Variants in TOX3 observed in about 807,000 individuals in gnomAD.
TOX3 encodes TOX high mobility group box family member 3, also known as CAG trinucleotide repeat-containing gene F9 protein.
A neutral mutation model predicts 64.3 loss-of-function variants in TOX3; 22 were observed. That is an observed-to-expected ratio of 0.34 (90% confidence interval 0.24 to 0.49). The LOEUF is 0.49. Among genes scored for constraint, TOX3 ranks in the 20% least tolerant of loss-of-function variants. The pLI is 0.99. For missense variants in TOX3, 661 were observed against 714.4 expected, an observed-to-expected ratio of 0.93 and a Z score of 0.85; for synonymous variants, 291 against 273.6, an observed-to-expected ratio of 1.06 and a Z score of -0.63.
chr16:52,514,330 A>C (rs1962387110), intron 1 of TOX3, among the ~76,000 whole-genome samples: 1 of 152,164 alleles, frequency 6.6e-6, no homozygotes, highest in Admixed American at 6.5e-5. Flanking sequence ...TTTTGTTTCA[A>C]TATTGCCCTT....
At chr16:52,508,105 A>G (rs903677797) in intron 1 of TOX3, among the ~76,000 whole-genome samples, 3 of 152,236 alleles carry the variant, frequency 2.0e-5, no homozygotes, top group Non-Finnish European at 4.4e-5. Context: ...GTAAGTTTCC[A>G]TTGTATAAGA....
intron 1 of TOX3, among the ~76,000 whole-genome samples, chr16:52,518,501 A>C (rs1448240015): frequency 6.6e-6 from 1 of 152,216 alleles, no homozygotes; most frequent in East Asian, 1.9e-4. Flanking sequence ...TAATGCGTTC[A>C]AAGCCGGCTA....
chr16:52,464,844 A>AATATGTATTTATCTGAACATTTTC (rs1960805746), intron 2 of TOX3, among the ~76,000 whole-genome samples: 1 of 152,012 alleles, frequency 6.6e-6, no homozygotes, highest in African/African-American at 2.4e-5. Context: ...TGAACATTTT[A>AATATGTATTTATCTGAACATTTTC]ATATGTATTT....
intron 1 of TOX3, among the ~76,000 whole-genome samples, chr16:52,526,921 A>G (rs1962739037): frequency 6.6e-6 from 1 of 152,242 alleles, no homozygotes; most frequent in African/African-American, 2.4e-5. Context: ...TTAGCATAAA[A>G]TCTCATAACT....
chr16:52,509,046 G>A (rs1001350291), intron 1 of TOX3, among the ~76,000 whole-genome samples: 1 of 152,078 alleles, frequency 6.6e-6, no homozygotes, highest in Non-Finnish European at 1.5e-5. Context: ...ACCCCAGGAA[G>A]ATAAATTTTA....
intron 1 of TOX3, among the ~76,000 whole-genome samples, chr16:52,546,406 G>C (rs1409906452): frequency 1.3e-5 from 2 of 152,180 alleles, no homozygotes; most frequent in Non-Finnish European, 2.9e-5. Context: ...CGGGGAGGTG[G>C]GAGGGAGCGG....
chr16:52,472,166 G>T (rs148243659), intron 1 of TOX3, among the ~76,000 whole-genome samples: 138 of 152,268 alleles, frequency 9.1e-4, no homozygotes, highest in African/African-American at 3.2e-3. Flanking sequence ...CTCTGAGAAG[G>T]CCCACAGTTC....
At chr16:52,513,414 T>A (rs1188497611) in intron 1 of TOX3, among the ~76,000 whole-genome samples, 1 of 152,222 alleles carries the variant, frequency 6.6e-6, no homozygotes, top group African/African-American at 2.4e-5. Context: ...TCCCAAATAT[T>A]CATGCAACTG....
intron 1 of TOX3, among the ~76,000 whole-genome samples, chr16:52,476,714 C>A (rs570868491): frequency 2.0e-5 from 3 of 152,130 alleles, no homozygotes; most frequent in African/African-American, 7.2e-5. Context: ...TGCCTGAAAG[C>A]CTTACCAACA....
chr16:52,500,289 A>C (rs1379574255), intron 1 of TOX3, among the ~76,000 whole-genome samples: 1 of 152,234 alleles, frequency 6.6e-6, no homozygotes, highest in Non-Finnish European at 1.5e-5. Flanking sequence ...ACCAAAGAGT[A>C]TGTAAATAAA....
intron 1 of TOX3, among the ~76,000 whole-genome samples, chr16:52,506,014 A>G (rs1341506662): frequency 6.6e-6 from 1 of 152,182 alleles, no homozygotes; most frequent in African/African-American, 2.4e-5. Context: ...CTTAATTTTT[A>G]TCTAAACCTA....
At chr16:52,463,656 G>A (rs1255599519) in intron 3 of TOX3, among the ~76,000 whole-genome samples, 1 of 152,190 alleles carries the variant, frequency 6.6e-6, no homozygotes, top group African/African-American at 2.4e-5. Flanking sequence ...AACAGCAAGG[G>A]AAGATTGGCT....
chr16:52,489,620 C>A (rs1303956576), intron 1 of TOX3, among the ~76,000 whole-genome samples: 1 of 152,120 alleles, frequency 6.6e-6, no homozygotes, highest in Non-Finnish European at 1.5e-5. Context: ...CATCATGTCC[C>A]AATGCATCAA....
At chr16:52,539,676 A>G (rs1306178281) in intron 1 of TOX3, among the ~76,000 whole-genome samples, 1 of 152,184 alleles carries the variant, frequency 6.6e-6, no homozygotes, top group Non-Finnish European at 1.5e-5. Context: ...TTGGTTGTTC[A>G]GCCCCAAACT....
chr16:52,476,815 T>C (rs1961221056), intron 1 of TOX3, among the ~76,000 whole-genome samples: 1 of 152,140 alleles, frequency 6.6e-6, no homozygotes, highest in South Asian at 2.1e-4. Flanking sequence ...AAGTAGAAGA[T>C]ATGACTGTTG....
At chr16:52,454,794 GC>G (rs1960468466) in intron 3 of TOX3, among the ~76,000 whole-genome samples, 1 of 152,134 alleles carries the variant, frequency 6.6e-6, no homozygotes. Flanking sequence ...AAATTACCAT[GC>G]GATTATTTTA....
At chr16:52,529,165 T>C (rs937462964) in intron 1 of TOX3, among the ~76,000 whole-genome samples, 12 of 152,214 alleles carry the variant, frequency 7.9e-5, no homozygotes, top group African/African-American at 2.4e-4. Flanking sequence ...TAATTTAAAG[T>C]CTCAGAGAGT....
rs532260454 is a variant in TOX3, at chr16:52,437,908, T to C, written c.*1317A>G. The C allele has an allele frequency of 1.1e-3, 161 of 152,590 alleles. No individual in the cohort carries two copies. The highest frequency in any genetic ancestry group is 3.6e-3 in the African/African-American group (148 of 41,538). The allele number at this position is 152,590 out of a possible 1,614,324, so 9.5% of individuals were successfully genotyped here. A position where few individuals can be genotyped will look rare whatever the true frequency, so the allele number is the denominator to read the frequency against. On this transcript the variant is annotated 3_prime_UTR_variant, in exon 7 of 7. Transcript: ENST00000219746. ...TGCATATTCTTGGCCATAAATATCATATTTCCAATTGAAAAATGGAAGATG... is the reference window on the plus strand; with the variant it reads ...TGCATATTCTTGGCCATAAATATCACATTTCCAATTGAAAAATGGAAGATG...
chr16:52,511,594 T>C (rs1012206225), intron 1 of TOX3, among the ~76,000 whole-genome samples: 5 of 152,178 alleles, frequency 3.3e-5, no homozygotes, highest in African/African-American at 9.7e-5. Context: ...GGTGAAGTAT[T>C]TAAAGATTAG....
Sources: gnomAD v4.1 joint callset for allele counts (sites outside exome capture counted in the v4.1 genomes callset) on GRCh38, gnomAD v4.1.1 for gene constraint, MANE v1.5 for transcripts, NCBI Gene and HGNC (gene_info 2026-07-23, HGNC 2026-07-21) for gene names.